The following FYB1 variants were observed in gnomAD, a reference collection of about 807,000 sequenced individuals.
FYB1 encodes the protein FYN-binding protein 1.
In FYB1, 41 loss-of-function variants were observed where a neutral mutation model predicts 94.1. That is an observed-to-expected ratio of 0.44 (90% confidence interval 0.34 to 0.57). The LOEUF is 0.57. FYB1 is among the 20% of genes least tolerant of loss of function. The pLI is 0.02. For missense variants in FYB1, 1,050 were observed against 976.8 expected, an observed-to-expected ratio of 1.07 and a Z score of -1.00; for synonymous variants, 367 against 353.2, an observed-to-expected ratio of 1.04 and a Z score of -0.44.
At chr5:39,108,332 A>G in intron 17 of FYB1, 70 bp from the exon 18 acceptor site, 7 of 1,306,106 alleles carry the variant, frequency 5.4e-6, no homozygotes, top group Non-Finnish European at 7.4e-6. Flanking sequence ...TATATAGAAG[A>G]ATAGAGTAAC....
chr5:39,186,799 T>C (rs567551280), intron 2 of FYB1, among the ~76,000 whole-genome samples: 1 of 152,276 alleles, frequency 6.6e-6, no homozygotes, highest in African/African-American at 2.4e-5. Flanking sequence ...TTATTGTCTT[T>C]CTTTATGATG....
upstream of FYB1, among the ~76,000 whole-genome samples, chr5:39,219,961 G>A (rs1750159049): frequency 6.6e-6 from 1 of 152,202 alleles, no homozygotes; most frequent in Admixed American, 6.5e-5. Flanking sequence ...AATTGCACCT[G>A]AGGTCAGGAG....
chr5:39,251,211 G>T lies in FYB1; in HGVS notation c.-28+23192C>A, dbSNP rs975311566. On this transcript the variant is annotated intron_variant, in intron 1 of 1. Transcript: ENST00000510188. ...GCAACAGTGTTTCTTGAGATAATAA[G>T]AAGTAGTGTTTAATCCTGAAGGAAT... is the stretch of plus-strand genomic sequence containing the variant. Among the ~76,000 whole-genome samples, 5 of 152,280 alleles carry T rather than the reference G, an allele frequency of 3.3e-5. No homozygotes were observed. The East Asian group carries it at 7.7e-4, about 24-fold the overall frequency.
chr5:39,173,479 TTGGGGACTTA>T (rs1313105799), intron 2 of FYB1, among the ~76,000 whole-genome samples: 6 of 152,164 alleles, frequency 3.9e-5, no homozygotes, highest in Non-Finnish European at 7.3e-5. Context: ...GCAATTGCTT[TTGGGGACTTA>T]TGGGGACTTA....
At chr5:39,154,036 G>T (rs540096464) in intron 2 of FYB1, among the ~76,000 whole-genome samples, 5 of 152,168 alleles carry the variant, frequency 3.3e-5, no homozygotes, top group South Asian at 2.1e-4. Context: ...TCCTCCTGCC[G>T]TGACCTCCCC....
chr5:39,189,158 G>A (rs1747131151), intron 2 of FYB1, among the ~76,000 whole-genome samples: 1 of 150,804 alleles, frequency 6.6e-6, no homozygotes, highest in Admixed American at 6.6e-5. Context: ...GGGTATCCTT[G>A]TAATATTTTA....
intron 11 of FYB1, among the ~76,000 whole-genome samples, chr5:39,126,695 C>CAAAAAAA (rs1272438775): frequency 6.9e-5 from 2 of 29,022 alleles, no homozygotes; most frequent in African/African-American, 1.3e-4. Context: ...GACCTGGTCT[C>CAAAAAAA]AAAAAAAAAA....
chr5:39,188,710 T>C (rs1747083316), intron 2 of FYB1, among the ~76,000 whole-genome samples: 1 of 151,974 alleles, frequency 6.6e-6, no homozygotes, highest in African/African-American at 2.4e-5. Flanking sequence ...TTTTTGTACT[T>C]TTAGTATAGA....
At chr5:39,236,056 C>G (rs2150578984) in intron 1 of FYB1, among the ~76,000 whole-genome samples, 1 of 151,712 alleles carries the variant, frequency 6.6e-6, no homozygotes, top group South Asian at 2.1e-4. Context: ...GGACCAGGAC[C>G]CTATGATATC....
At chr5:39,222,157 T>G (rs1258108563), upstream of FYB1, among the ~76,000 whole-genome samples, 2 of 152,184 alleles carry the variant, frequency 1.3e-5, no homozygotes, top group Non-Finnish European at 2.9e-5. Context: ...CAAAACCCAG[T>G]GTAGATATGA....
chr5:39,202,898 G>A lies in FYB1; in HGVS notation c.63C>T (p.Phe21=). The change falls in exon 2 of 19, where the codon TTC becomes TTT. Residue 21 remains phenylalanine, a synonymous_variant. Transcript: ENST00000512982. ...TEDVSVNSRP[F]RVTGPNSSSG... is the part of the protein sequence containing the mutation. ...AAGATGAGTTTGGCCCTGTGACTCT[G>A]AAGGGTCGGCTATTGACTGAGACAT... 6.2e-7 allele frequency: 1 copy of A among 1,614,010 alleles called. No homozygotes were observed. Among genetic ancestry groups the A allele is most frequent in the Non-Finnish European group, 8.5e-7 (1 of 1,179,894 alleles).
chr5:39,253,743 G>A (rs1751827331), intron 1 of FYB1, among the ~76,000 whole-genome samples: 1 of 152,082 alleles, frequency 6.6e-6, no homozygotes, highest in African/African-American at 2.4e-5. Flanking sequence ...TGTTACATAG[G>A]TAAATGTGTG....
At chr5:39,224,315 G>C (rs929218726), upstream of FYB1, among the ~76,000 whole-genome samples, 1 of 152,094 alleles carries the variant, frequency 6.6e-6, no homozygotes, top group Non-Finnish European at 1.5e-5. Context: ...CAGTCCTGAC[G>C]GTTTCCCTTA....
chr5:39,253,331 T>A (rs1252949369), intron 1 of FYB1, among the ~76,000 whole-genome samples: 1 of 151,240 alleles, frequency 6.6e-6, no homozygotes, highest in Admixed American at 6.6e-5. Context: ...CAAAGCCTAG[T>A]TTTATTCCCA....
At chr5:39,140,991 C>A (rs1742123977) in intron 4 of FYB1, 104 bp downstream of exon 4, 2 of 759,552 alleles carry the variant, frequency 2.6e-6, no homozygotes, top group Admixed American at 4.6e-5. Context: ...CTTGCACAGA[C>A]CAGTGATGAT....
At chr5:39,231,191 G>A (rs945648067) in intron 1 of FYB1, among the ~76,000 whole-genome samples, 6 of 147,522 alleles carry the variant, frequency 4.1e-5, no homozygotes, top group Admixed American at 6.7e-5. Context: ...CAAAACAGCT[G>A]TAGCCACCAG....
At position 39,184,707 on chromosome 5, in the gene FYB1, T is replaced by C. The variant is rs1358531279; in HGVS notation, c.1135+17119A>G. 2.6e-5 allele frequency among the ~76,000 whole-genome samples: 4 copies of C among 152,252 alleles called. No individual in the cohort carries two copies. The East Asian group carries it at 5.8e-4, about 22-fold the overall frequency. On this transcript the variant is annotated intron_variant, in intron 2 of 18. Transcript: ENST00000512982. ...GTAACTTCCATCAGTTTGTTAGTGTTACTTAAAAAAAATCTCTTCAATAAA... is the reference window on the plus strand; with the variant it reads ...GTAACTTCCATCAGTTTGTTAGTGTCACTTAAAAAAAATCTCTTCAATAAA...
At chr5:39,134,154 A>C in intron 9 of FYB1, 54 bp downstream of exon 9, 3 of 1,400,172 alleles carry the variant, frequency 2.1e-6, no homozygotes, top group South Asian at 1.4e-5. Context: ...TAATATACAA[A>C]ATTTCTGACA....
At chr5:39,198,503 T>C (rs1353675309) in intron 2 of FYB1, among the ~76,000 whole-genome samples, 1 of 152,214 alleles carries the variant, frequency 6.6e-6, no homozygotes, top group Non-Finnish European at 1.5e-5. Flanking sequence ...AGTAATAATA[T>C]GTATACATAC....
Sources: gnomAD v4.1 joint callset for allele counts (sites outside exome capture counted in the v4.1 genomes callset) on GRCh38, gnomAD v4.1.1 for gene constraint, MANE v1.5 for transcripts, NCBI Gene and HGNC (gene_info 2026-07-23, HGNC 2026-07-21) for gene names.